CHL1: variants seen among roughly 807,000 people sequenced by gnomAD.
CHL1 encodes neural cell adhesion molecule L1-like protein.
Under a neutral mutation model 141.9 loss-of-function variants are expected in CHL1, and 96 were observed. The observed-to-expected ratio is 0.68, with a 90% confidence interval of 0.57 to 0.80. CHL1 has a LOEUF of 0.80. Among genes scored for constraint, CHL1 ranks in the 30% least tolerant of loss-of-function variants. CHL1 has a pLI of 0.00. For missense variants in CHL1, 1,820 were observed against 1,457.2 expected, an observed-to-expected ratio of 1.25 and a Z score of -4.05; for synonymous variants, 613 against 502.2, an observed-to-expected ratio of 1.22 and a Z score of -2.95.
chr3:266,809 G>C (rs1695197628), intron 2 of CHL1, among the ~76,000 whole-genome samples: 1 of 152,146 alleles, frequency 6.6e-6, no homozygotes, highest in Admixed American at 6.5e-5. Flanking sequence ...ATGTTCAGTG[G>C]AGGGCACTTT....
intron 2 of CHL1, among the ~76,000 whole-genome samples, chr3:291,314 C>G (rs1229240551): frequency 6.6e-6 from 1 of 152,012 alleles, no homozygotes; most frequent in Non-Finnish European, 1.5e-5. Context: ...ACTATATTTC[C>G]TTATTATTGC....
At chr3:250,633 T>G (rs899661847) in intron 2 of CHL1, among the ~76,000 whole-genome samples, 5 of 152,136 alleles carry the variant, frequency 3.3e-5, no homozygotes, top group Non-Finnish European at 7.4e-5. Flanking sequence ...CAAAGAGCTC[T>G]TTCTGTGTTT....
intron 2 of CHL1, among the ~76,000 whole-genome samples, chr3:256,754 T>C (rs1694213138): frequency 6.6e-6 from 1 of 152,182 alleles, no homozygotes; most frequent in Non-Finnish European, 1.5e-5. Context: ...TTCATATGTA[T>C]CTTTTTGGTA....
At chr3:252,714 T>G (rs331885) in intron 2 of CHL1, among the ~76,000 whole-genome samples, 23,152 of 151,928 alleles carry the variant, frequency 0.15, 2,097 homozygotes, top group East Asian at 0.39. Context: ...CTGACATGAA[T>G]TAAATCTGGT....
chr3:368,160 G>C (rs944399792), intron 15 of CHL1, among the ~76,000 whole-genome samples: 4 of 152,176 alleles, frequency 2.6e-5, no homozygotes, highest in African/African-American at 9.7e-5. Flanking sequence ...CTAGATCCTT[G>C]AGGAATCACC....
At chr3:290,587 T>A (rs1328344102) in intron 2 of CHL1, among the ~76,000 whole-genome samples, 1 of 152,196 alleles carries the variant, frequency 6.6e-6, no homozygotes, top group East Asian at 1.9e-4. Flanking sequence ...TAACATAATT[T>A]AGGATGAAAC....
intron 1 of CHL1, among the ~76,000 whole-genome samples, chr3:229,650 A>G (rs1189398652): frequency 6.6e-6 from 1 of 152,038 alleles, no homozygotes; most frequent in Non-Finnish European, 1.5e-5. Context: ...TTAGTTCAAT[A>G]CTCAGCTACT....
intron 16 of CHL1, among the ~76,000 whole-genome samples, chr3:381,245 A>G (rs1275579814): frequency 6.6e-6 from 1 of 152,202 alleles, no homozygotes; most frequent in African/African-American, 2.4e-5. Context: ...TTTTACAAAG[A>G]ACCCCAGACC....
chr3:311,074 C>T (rs1292568026), intron 2 of CHL1, among the ~76,000 whole-genome samples: 1 of 152,186 alleles, frequency 6.6e-6, no homozygotes, highest in East Asian at 1.9e-4. Context: ...CTTTTTACCA[C>T]TGATATTCCA....
chr3:369,480 C>T (rs998310701), intron 15 of CHL1, among the ~76,000 whole-genome samples: 6 of 152,184 alleles, frequency 3.9e-5, no homozygotes, highest in Non-Finnish European at 8.8e-5. Flanking sequence ...AATTGCTTAT[C>T]AGTTCAAGGA....
chr3:327,805 T>C (rs528255042), intron 4 of CHL1, among the ~76,000 whole-genome samples: 1 of 152,054 alleles, frequency 6.6e-6, no homozygotes, highest in East Asian at 1.9e-4. Flanking sequence ...TGTTTTGGGA[T>C]TTTGAGTGAG....
At chr3:322,201 A>C (rs1700614947) in intron 3 of CHL1, among the ~76,000 whole-genome samples, 1 of 152,100 alleles carries the variant, frequency 6.6e-6, no homozygotes, top group Non-Finnish European at 1.5e-5. Flanking sequence ...GACATTTTGC[A>C]TGTTGGTTTA....
At chr3:325,163 CA>C (rs1053365964) in intron 3 of CHL1, among the ~76,000 whole-genome samples, 1,371 of 131,218 alleles carry the variant, frequency 0.01, 45 homozygotes, top group Admixed American at 0.071. Context: ...ATTTATTACC[CA>C]AAAAAAAAAA....
intron 1 of CHL1, among the ~76,000 whole-genome samples, 158 bp from the exon 2 acceptor site, chr3:244,455 G>A (rs930256344): frequency 1.3e-5 from 2 of 152,140 alleles, no homozygotes; most frequent in African/African-American, 2.4e-5. Flanking sequence ...TAGCAACAGA[G>A]CAATACTATA....
chr3:229,673 C>A (rs1435275874), intron 1 of CHL1, among the ~76,000 whole-genome samples: 1 of 152,066 alleles, frequency 6.6e-6, no homozygotes, highest in African/African-American at 2.4e-5. Context: ...ATTTTATCGA[C>A]TCTTGGTGGG....
intron 4 of CHL1, among the ~76,000 whole-genome samples, chr3:326,268 A>G (rs1420249796): frequency 6.6e-6 from 1 of 152,066 alleles, no homozygotes; most frequent in East Asian, 1.9e-4. Context: ...TATTTTGACC[A>G]TAAACTAAGG....
chr3:199,619 A>T (rs1409970788), intron 1 of CHL1, among the ~76,000 whole-genome samples: 1 of 152,220 alleles, frequency 6.6e-6, no homozygotes, highest in East Asian at 1.9e-4. Context: ...TCATTTGATT[A>T]TTAAAATATA....
Position 339,079 on chromosome 3 carries a change from C to T in CHL1, c.386-1715C>T, listed in dbSNP as rs1425765486. 2.5e-4 allele frequency among the ~76,000 whole-genome samples: 38 copies of T among 151,988 alleles called. 1 individual carries two copies. The highest frequency in any genetic ancestry group is 2.5e-3 in the Admixed American group (38 of 15,246). On this transcript the variant is annotated intron_variant, in intron 5 of 27. Coordinates refer to ENST00000256509, the MANE Select transcript of CHL1 (RefSeq NM_006614.4). ...CATTTTCTAATCCATATTTTATTTC[C>T]TCTGCTGCCTCTTGTATCTGAGTAT...
intron 2 of CHL1, among the ~76,000 whole-genome samples, chr3:268,964 T>A (rs1267370392): frequency 1.3e-5 from 2 of 152,180 alleles, no homozygotes; most frequent in Non-Finnish European, 2.9e-5. Context: ...TGAGTGGGAT[T>A]TTGTATTTTG....
Sources: allele counts gnomAD v4.1 joint callset (sites outside exome capture counted in the v4.1 genomes callset), GRCh38; gene constraint gnomAD v4.1.1; transcripts MANE v1.5; gene names NCBI Gene and HGNC (gene_info 2026-07-23, HGNC 2026-07-21).